IL4I1: variants seen among roughly 807,000 people sequenced by gnomAD.
IL4I1 encodes the protein L-amino-acid oxidase.
IL4I1 carries 24 observed loss-of-function variants against 29.7 expected under a neutral mutation model. The ratio of observed to expected loss-of-function variants is 0.81; its 90% CI spans 0.59 to 1.14. The LOEUF (loss-of-function observed/expected upper bound fraction) is 1.14, where lower values mean the gene tolerates loss of function less well. Ranked by LOEUF, IL4I1 falls within the 50% of genes most tolerant of loss-of-function variation. The pLI is 0.00. For missense variants in IL4I1, 686 were observed against 785.6 expected (o/e 0.87, Z 1.52); for synonymous variants, 371 against 352.5 (o/e 1.05, Z -0.59).
At chr19:49,912,314 G>A (rs998044472) in intron 2 of IL4I1, among the ~76,000 whole-genome samples, 2 of 152,070 alleles carry the variant, frequency 1.3e-5, no homozygotes, top group Middle Eastern at 3.4e-3. Flanking sequence ...GATTACAGGC[G>A]CATGCCACCA....
chr19:49,909,955 A>C (rs2075421322), intron 2 of IL4I1: 1 of 810,212 alleles, frequency 1.2e-6, no homozygotes, highest in Non-Finnish European at 2.1e-6. Flanking sequence ...GACTGGGCAC[A>C]GTCGGTTTGG....
At chr19:49,904,863 C>A (rs1224135199) in intron 2 of IL4I1, among the ~76,000 whole-genome samples, 2 of 152,138 alleles carry the variant, frequency 1.3e-5, no homozygotes, top group East Asian at 3.8e-4. Flanking sequence ...GCGCCTGCCA[C>A]CACACCCGGC....
intron 2 of IL4I1, among the ~76,000 whole-genome samples, chr19:49,905,831 G>T (rs1225544589): frequency 6.6e-6 from 1 of 152,188 alleles, no homozygotes; most frequent in South Asian, 2.1e-4. Context: ...TCGAACTCCT[G>T]ACCTCAGGTG....
At chr19:49,904,585 G>T (rs2075299117) in intron 2 of IL4I1, among the ~76,000 whole-genome samples, 1 of 152,106 alleles carries the variant, frequency 6.6e-6, no homozygotes, top group African/African-American at 2.4e-5. Flanking sequence ...GTCTAACTTT[G>T]TTGCCCAGGC....
chr19:49,894,349 C>T lies in IL4I1; in HGVS notation c.486G>A (p.Val162=), dbSNP rs764185723. The change falls in exon 5 of 8, where the codon GTG becomes GTA. Residue 162 remains valine, a synonymous_variant. Transcript: ENST00000391826. ...GCAAGGCGTAGCCCAGCTTCTCGGG[C>T]ACCTTCTCCACCACATAGTTGCGCA... ...VKLRNYVVEK[V]PEKLGYALRP... 1 of 1,614,256 alleles carries T rather than the reference C, an allele frequency of 6.2e-7. No individual in the cohort carries two copies. The highest frequency in any genetic ancestry group is 1.1e-5 in the South Asian group (1 of 91,092).
chr19:49,916,354 A>ATT (rs1182733064), intron 2 of IL4I1, among the ~76,000 whole-genome samples: 104 of 131,980 alleles, frequency 7.9e-4, no homozygotes, highest in African/African-American at 2.0e-3. Context: ...TATCTTTTGT[A>ATT]TTTTTTTTTT....
chr19:49,913,364 C>G (rs914045597), intron 2 of IL4I1, among the ~76,000 whole-genome samples: 14 of 152,142 alleles, frequency 9.2e-5, no homozygotes, highest in African/African-American at 3.1e-4. Context: ...CAGATAAGAG[C>G]GCCTTTGTTT....
chr19:49,911,525 T>G (rs1306412248), intron 2 of IL4I1, among the ~76,000 whole-genome samples: 1 of 152,072 alleles, frequency 6.6e-6, no homozygotes, highest in Non-Finnish European at 1.5e-5. Flanking sequence ...CCAGCTTGAG[T>G]AAGAGGCAAC....
At chr19:49,907,696 T>C in intron 2 of IL4I1, 1 of 347,502 alleles carries the variant, frequency 2.9e-6, no homozygotes. Flanking sequence ...CCACCACACC[T>C]GACTAATTTT....
intron 3 of IL4I1, 117 bp downstream of exon 3, chr19:49,895,698 T>TGCCCCCCCCACC: frequency 1.4e-6 from 1 of 705,418 alleles, no homozygotes; most frequent in Non-Finnish European, 2.4e-6. Context: ...AGATAGCCTC[T>TGCCCCCCCCACC]CCCCCCACAT....
chr19:49,913,411 G>A (rs2075531581), intron 2 of IL4I1, among the ~76,000 whole-genome samples: 1 of 152,208 alleles, frequency 6.6e-6, no homozygotes, highest in Non-Finnish European at 1.5e-5. Flanking sequence ...AGTCCATGTT[G>A]ACGCTGTGAC....
intron 6 of IL4I1, 134 bp downstream of exon 6, chr19:49,891,271 G>A: frequency 7.1e-7 from 1 of 1,405,876 alleles, no homozygotes; most frequent in Non-Finnish European, 9.9e-7. Context: ...CAGGGGGCGT[G>A]TCCAGCCCCC....
At chr19:49,905,823 G>A (rs73594179) in intron 2 of IL4I1, among the ~76,000 whole-genome samples, 3 of 152,042 alleles carry the variant, frequency 2.0e-5, no homozygotes, top group Non-Finnish European at 2.9e-5. Context: ...TGCTGGTCTC[G>A]AACTCCTGAC....
At chr19:49,908,996 G>A (rs950888275) in intron 2 of IL4I1, 5 of 1,611,548 alleles carry the variant, frequency 3.1e-6, no homozygotes, top group African/African-American at 1.3e-5. Context: ...AGCGGTGGAT[G>A]TTGTTGTGGA....
intron 2 of IL4I1, chr19:49,907,301 T>G (rs2122580442): frequency 6.7e-6 from 2 of 298,112 alleles, no homozygotes; most frequent in South Asian, 2.6e-5. Flanking sequence ...CTGGAGGAGG[T>G]GAGGCCCAAG....
Position 49,890,116 on chromosome 19 carries a change from G to A in IL4I1, c.1258C>T (p.Leu420Phe). ...LSREEALRLA[L>F]DDVAALHGPV... ...CCGTGCAATGCCGCCACGTCGTCGA[G>A]CGCCAAGCGCAACGCCTCTTCCCGG... The change falls in exon 8 of 8, where the codon CTC (leucine) becomes TTC (phenylalanine). Residue 420 changes from leucine to phenylalanine, a missense_variant. Leu to Phe is a conservative substitution (Grantham distance 22, BLOSUM62 0). Coordinates refer to ENST00000391826, the MANE Select transcript of IL4I1 (RefSeq NM_152899.2). 1 of 1,543,688 alleles carries A rather than the reference G, an allele frequency of 6.5e-7. No individual in the cohort carries two copies. Among genetic ancestry groups the A allele is most frequent in the Non-Finnish European group, 8.7e-7 (1 of 1,145,326 alleles).
intron 2 of IL4I1, chr19:49,907,293 G>A (rs8429): frequency 0.34 from 102,047 of 297,270 alleles, 18,637 homozygotes; most frequent in East Asian, 0.4. Context: ...AAGGCTTCCT[G>A]GAGGAGGTGA....
intron 2 of IL4I1, among the ~76,000 whole-genome samples, chr19:49,915,178 G>A (rs2075593328): frequency 1.3e-5 from 2 of 151,982 alleles, no homozygotes; most frequent in Non-Finnish European, 2.9e-5. Context: ...ACAGAAAAAC[G>A]GCCCCCAAAC....
upstream of IL4I1, among the ~76,000 whole-genome samples, chr19:49,897,880 T>TA (rs1235572019): frequency 6.6e-6 from 1 of 151,710 alleles, no homozygotes; most frequent in Non-Finnish European, 1.5e-5. Flanking sequence ...ACTCCCGCAG[T>TA]AAATCAAAGA....
Sources: gnomAD v4.1 joint callset for allele counts (sites outside exome capture counted in the v4.1 genomes callset) on GRCh38, gnomAD v4.1.1 for gene constraint, MANE v1.5 for transcripts, NCBI Gene and HGNC (gene_info 2026-07-23, HGNC 2026-07-21) for gene names.